Variants in VPS18 observed in about 807,000 individuals in gnomAD.
VPS18 encodes the protein vacuolar protein sorting-associated protein 18 homolog.
VPS18 carries 25 observed loss-of-function variants against 82.0 expected under a neutral mutation model. That is an observed-to-expected ratio of 0.30 (90% CI 0.22 to 0.43). The LOEUF is 0.43. Among genes scored for constraint, VPS18 ranks in the 20% least tolerant of loss-of-function variants. VPS18 has a pLI of 1.00. For missense variants in VPS18, 1,168 were observed against 1,311.1 expected, an observed-to-expected ratio of 0.89 and a Z score of 1.69; for synonymous variants, 523 against 543.0, an observed-to-expected ratio of 0.96 and a Z score of 0.51.
rs1156890644 is a variant in VPS18 at position 40,902,338 on chromosome 15, C to T, written c.2197-278C>T. Among the ~76,000 whole-genome samples, 2 of 152,162 alleles carry T rather than the reference C, an allele frequency of 1.3e-5. No homozygotes were observed. The highest frequency in any genetic ancestry group is 2.9e-5 in the Non-Finnish European group (2 of 68,028). ...CTGTGTTAGCCAGGATGGTCTCGAT[C>T]TCCTGACCTCGTGATCTGCCTGCCT... On this transcript the variant is annotated intron_variant, in intron 4 of 4. Transcript: ENST00000220509. The surrounding 1 kb of genome is among the most constrained non-coding windows in gnomAD (Gnocchi z 4.2).
intron 2 of VPS18, among the ~76,000 whole-genome samples, chr15:40,897,156 G>A (rs1394875288): frequency 6.6e-6 from 1 of 152,108 alleles, no homozygotes; most frequent in Non-Finnish European, 1.5e-5. Context: ...TTAGCAGGGT[G>A]TGGTGGCAGG....
Position 40,903,553 on chromosome 15 carries a change from C to T in VPS18, c.*212C>T. The T allele has an allele frequency of 1.6e-6, 1 of 616,464 alleles. No individual in the cohort carries two copies. The highest frequency in any genetic ancestry group is 2.5e-6 in the Non-Finnish European group (1 of 403,398). 38.2% of individuals were successfully genotyped at this position (616,464 alleles called of 1,614,324 possible). A position where few individuals can be genotyped will look rare whatever the true frequency, so the allele number is the denominator to read the frequency against. Reference sequence around the variant, plus strand: ...CTGTTCTTCAGAGCTGCAGTTATGCCAGACCATCAGCCTGCCTCCCAGTAG... The same window carrying T: ...CTGTTCTTCAGAGCTGCAGTTATGCTAGACCATCAGCCTGCCTCCCAGTAG... On this transcript the variant is annotated 3_prime_UTR_variant, in exon 5 of 5. Transcript: ENST00000220509.
chr15:40,895,886 C>A, intron 1 of VPS18, 52 bp from the exon 2 acceptor site: 1 of 1,609,874 alleles, frequency 6.2e-7, no homozygotes, highest in Non-Finnish European at 8.5e-7. Flanking sequence ...CCTCTCCTTG[C>A]CCTTCACCTG....
At position 40,900,439 on chromosome 15, in the gene VPS18, GCCTCT is replaced by G; in HGVS notation, c.1622_1626del (p.Ala541AspfsTer3). ...CAAAGAGTGGCTCTTTGCCAGCCGG[GCCTCT>G]ATCCATGAGCTGCTCGCCAGTCATG... On this transcript the variant is annotated frameshift_variant, in exon 4 of 5. Transcript: ENST00000220509. LOFTEE classifies it high-confidence loss of function. The surrounding 1 kb of genome is among the most constrained non-coding windows in gnomAD (Gnocchi z 5.4). 1 of 1,614,024 alleles carries G rather than the reference GCCTCT, an allele frequency of 6.2e-7. No individual in the cohort carries two copies. Among genetic ancestry groups the G allele is most frequent in the Non-Finnish European group, 8.5e-7 (1 of 1,180,010 alleles).
intron 2 of VPS18, among the ~76,000 whole-genome samples, chr15:40,898,379 G>A (rs1171576849): frequency 6.6e-6 from 1 of 151,650 alleles, no homozygotes; most frequent in Non-Finnish European, 1.5e-5. Flanking sequence ...GATGACAGGT[G>A]TGAGCCACTG....
intron 4 of VPS18, 79 bp downstream of exon 4, chr15:40,901,093 C>A: frequency 6.8e-7 from 1 of 1,475,436 alleles, no homozygotes; most frequent in Non-Finnish European, 9.1e-7. Flanking sequence ...GCTTGGGGGG[C>A]CATGGCTAGA....
chr15:40,894,777 C>T lies in VPS18; in HGVS notation c.9C>T (p.Ser3=), dbSNP rs1483770755. The T allele has an allele frequency of 6.5e-7, 1 of 1,550,048 alleles. No individual in the cohort carries two copies. Residue 3 remains serine, a synonymous_variant, in exon 1 of 5, where the codon TCC becomes TCT. Transcript: ENST00000220509. ...CCCAGAGGCCGGGCACCATGGCGTC[C>T]ATCCTGGATGAGTACGAGAACTCGC... MA[S]ILDEYENSLS...
chr15:40,902,499 G>A lies in VPS18; in HGVS notation c.2197-117G>A. On this transcript the variant is annotated intron_variant, in intron 4 of 4. Coordinates refer to ENST00000220509, the MANE Select transcript of VPS18 (RefSeq NM_020857.3). This position sits in a 1 kb window ranked among gnomAD's most constrained non-coding sequence, Gnocchi z 4.2. ...AGCTGTGGCAGCGGCAGGCCCCCTT[G>A]CTTCCAGGAGTGCTGGGAATCCTGC... 7.2e-7 allele frequency: 1 copy of A among 1,391,630 alleles called. No homozygotes were observed. The highest frequency in any genetic ancestry group is 9.5e-7 in the Non-Finnish European group (1 of 1,049,918). The allele number at this position is 1,391,630 out of a possible 1,614,324, so 86.2% of individuals were successfully genotyped here.
chr15:40,901,077 G>A (rs1275258313), intron 4 of VPS18, 63 bp downstream of exon 4: 55 of 1,524,672 alleles, frequency 3.6e-5, no homozygotes, highest in Non-Finnish European at 4.6e-5. Context: ...CTTTAGATGT[G>A]GAAGGGCTTG....
At chr15:40,898,173 C>G (rs1011741167) in intron 2 of VPS18, among the ~76,000 whole-genome samples, 3 of 151,618 alleles carry the variant, frequency 2.0e-5, no homozygotes, top group Non-Finnish European at 4.4e-5. Flanking sequence ...TCACCGTGGT[C>G]TCAATCTCCT....
chr15:40,895,282 G>A (rs1892209209), intron 1 of VPS18, among the ~76,000 whole-genome samples: 1 of 152,176 alleles, frequency 6.6e-6, no homozygotes, highest in South Asian at 2.1e-4. Flanking sequence ...GGGTCCCAGA[G>A]GGAATTTTGT....
rs1163080969 is a variant in VPS18 at position 40,903,613 on chromosome 15, C to G, written c.*272C>G. On this transcript the variant is annotated 3_prime_UTR_variant, in exon 5 of 5. Coordinates refer to ENST00000220509, the MANE Select transcript of VPS18 (RefSeq NM_020857.3). ...ACCTGGAGAAGTCAGAAATCTGACC[C>G]AATTCCACCCCCTGCCTCTAGCACC... 1 of 369,204 alleles carries G rather than the reference C, an allele frequency of 2.7e-6. No individual in the cohort carries two copies. Among genetic ancestry groups the G allele is most frequent in the East Asian group, 4.4e-5 (1 of 22,764 alleles). The allele number at this position is 369,204 out of a possible 1,614,324, so 22.9% of individuals were successfully genotyped here.
rs1390071272 is a variant in VPS18, at chr15:40,894,809, G to T, written c.41G>T (p.Arg14Leu). The T allele has an allele frequency of 1.9e-6, 3 of 1,554,924 alleles. No individual in the cohort carries two copies. Among genetic ancestry groups the T allele is most frequent in the Non-Finnish European group, 2.6e-6 (3 of 1,149,090 alleles). Reference protein sequence around the residue: ...ILDEYENSLSRSAVLQPGCPS... With the variant: ...ILDEYENSLSLSAVLQPGCPS... ...GATGAGTACGAGAACTCGCTGTCCC[G>T]CTCGGCCGTCTTGCAGCCCGGCTGC... Residue 14 changes from arginine to leucine, a missense_variant, in exon 1 of 5, where the codon CGC becomes CTC. This residue lies in a region of VPS18 where 868 missense variants were observed against 939.8 expected (regional missense o/e 0.92). Coordinates refer to ENST00000220509, the MANE Select transcript of VPS18 (RefSeq NM_020857.3).
intron 2 of VPS18, among the ~76,000 whole-genome samples, chr15:40,897,537 A>G (rs1892250434): frequency 6.6e-6 from 1 of 152,232 alleles, no homozygotes; most frequent in South Asian, 2.1e-4. Flanking sequence ...TCAGTTGGGA[A>G]TAACAGGAGT....
chr15:40,900,922 C>A lies in VPS18; in HGVS notation c.2104C>A (p.Arg702=). Residue 702 remains arginine (R), a synonymous_variant, in exon 4 of 5, where the codon CGG becomes AGG. Coordinates refer to ENST00000220509, the MANE Select transcript of VPS18 (RefSeq NM_020857.3). This position sits in a 1 kb window ranked among gnomAD's most constrained non-coding sequence, Gnocchi z 5.4. ...RVHYDLKYAL[R]LCAEHGHHRA... ...GCATTACGACCTCAAGTATGCGCTG[C>A]GGCTCTGCGCCGAGCATGGCCACCA... 1.2e-6 allele frequency: 2 copies of A among 1,613,490 alleles called. No homozygotes were observed. The highest frequency in any genetic ancestry group is 1.7e-6 in the Non-Finnish European group (2 of 1,180,032).
chr15:40,900,247 C>G lies in VPS18; in HGVS notation c.1429C>G (p.Leu477Val). 1 of 1,613,808 alleles carries G rather than the reference C, an allele frequency of 6.2e-7. No homozygotes were observed. The highest frequency in any genetic ancestry group is 8.5e-7 in the Non-Finnish European group (1 of 1,180,022). Reference sequence around the variant, plus strand: ...TCTGGCTGAGTTCCTGCAGCGAAAACTGGCCAGTTTGAAGCCAGCCGAACG... The same window carrying G: ...TCTGGCTGAGTTCCTGCAGCGAAAAGTGGCCAGTTTGAAGCCAGCCGAACG... ...EALAEFLQRKLASLKPAERTQ... is the reference protein window; with the variant it reads ...EALAEFLQRKVASLKPAERTQ... Residue 477 changes from leucine (L) to valine (V), a missense_variant, in exon 4 of 5, where the codon CTG becomes GTG. Physicochemically the swap from Leu to Val is conservative, Grantham distance 32. Transcript: ENST00000220509. This position sits in a 1 kb window ranked among gnomAD's most constrained non-coding sequence, Gnocchi z 5.4.
rs1892398481 is a variant in VPS18 at position 40,903,326 on chromosome 15, G to A, written c.2907G>A (p.Gln969=). ...FIDPQRYEEE[Q]LSWL ...ACCCCCAGCGCTACGAGGAGGAGCAGCTCAGTTGGCTGTAGGAGGGTGTCA... is the reference window on the plus strand; with the variant it reads ...ACCCCCAGCGCTACGAGGAGGAGCAACTCAGTTGGCTGTAGGAGGGTGTCA... The change falls in exon 5 of 5, where the codon CAG becomes CAA. Residue 969 remains glutamine, a synonymous_variant. Coordinates refer to ENST00000220509, the MANE Select transcript of VPS18 (RefSeq NM_020857.3). The A allele has an allele frequency of 1.9e-6, 3 of 1,538,862 alleles. No homozygotes were observed. The highest frequency in any genetic ancestry group is 1.3e-5 in the South Asian group (1 of 79,190).
chr15:40,902,651 G>A lies in VPS18; in HGVS notation c.2232G>A (p.Leu744=), dbSNP rs1335622411. 6.2e-7 allele frequency: 1 copy of A among 1,614,168 alleles called. No homozygotes were observed. The highest frequency in any genetic ancestry group is 2.2e-5 in the East Asian group (1 of 44,888). Residue 744 remains leucine (L), a synonymous_variant, in exon 5 of 5, where the codon CTG becomes CTA. Coordinates refer to ENST00000220509, the MANE Select transcript of VPS18 (RefSeq NM_020857.3). The surrounding 1 kb of genome is among the most constrained non-coding windows in gnomAD (Gnocchi z 4.2). ...ACCTGGCCAAGCAGTGTGCAGACCT[G>A]CCTGAGGAGGATGAGGAATTGCGCA... ...DVDLAKQCAD[L]PEEDEELRKK...
chr15:40,901,039 G>C (rs1183856779), intron 4 of VPS18, 25 bp downstream of exon 4: 2 of 1,579,690 alleles, frequency 1.3e-6, no homozygotes, highest in Non-Finnish European at 1.7e-6. Context: ...CTTGACCCCA[G>C]CTGGGAGAGG....
Sources: allele counts gnomAD v4.1 joint callset (sites outside exome capture counted in the v4.1 genomes callset), GRCh38; gene constraint gnomAD v4.1.1; regional missense constraint gnomAD v4.1.1; non-coding constraint Gnocchi (gnomAD v3.1); transcripts MANE v1.5; gene names NCBI Gene and HGNC (gene_info 2026-07-23, HGNC 2026-07-21).